Variants in PCDHA1 observed in about 807,000 individuals in gnomAD.
PCDHA1 encodes protocadherin alpha-1.
In PCDHA1, 42 loss-of-function variants were observed where a neutral mutation model predicts 61.3. The observed-to-expected ratio is 0.69, with a 90% CI of 0.54 to 0.89. The LOEUF (loss-of-function observed/expected upper bound fraction) is 0.89. PCDHA1 is among the 40% of genes least tolerant of loss of function. The pLI is 0.00. For synonymous variants in PCDHA1, 610 were observed against 553.8 expected (o/e 1.10, Z -1.43); for missense variants, 1,256 against 1,235.3 (o/e 1.02, Z -0.25).
chr5:140,857,331 A>G lies in PCDHA1; in HGVS notation c.2394+68647A>G, dbSNP rs1554149861. 4 of 1,598,402 alleles carry G rather than the reference A, an allele frequency of 2.5e-6. No homozygotes were observed. Among genetic ancestry groups the G allele is most frequent in the African/African-American group, 1.3e-5 (1 of 74,458 alleles). On this transcript the variant is annotated intron_variant, in intron 1 of 3. Coordinates refer to ENST00000504120, the MANE Select transcript of PCDHA1 (RefSeq NM_018900.4). ...TATGAGCTGGTGGTGACCGCGCGGG[A>G]CGGGGGCTCGCCTCCGCTGTGGGCC...
intron 3 of PCDHA1, among the ~76,000 whole-genome samples, chr5:140,992,293 G>A (rs1043574685): frequency 1.3e-5 from 2 of 152,136 alleles, no homozygotes; most frequent in African/African-American, 2.4e-5. Flanking sequence ...GCAAAGGATG[G>A]GAGTATTGTT....
At chr5:140,876,004 T>A in intron 1 of PCDHA1, 1 of 1,613,866 alleles carries the variant, frequency 6.2e-7, no homozygotes, top group African/African-American at 1.3e-5. Context: ...AAATGAGAAT[T>A]TTGAGCTTAA....
chr5:140,830,328 G>A, intron 1 of PCDHA1: 2 of 1,614,058 alleles, frequency 1.2e-6, no homozygotes, highest in Non-Finnish European at 1.7e-6. Flanking sequence ...AGCGCAGTGG[G>A]GAGCTGGTCG....
In PCDHA1 at chr5:140,995,570, A is replaced by T. The variant is rs186345842; in HGVS notation, c.2542+13007A>T. ...TCACTGTACTGAATAATATGTCAAG[A>T]TGAGCTATGAGCTTTTAACTTAGTG... is the stretch of plus-strand genomic sequence containing the variant. On this transcript the variant is annotated intron_variant, in intron 3 of 3. Transcript: ENST00000504120. Among the ~76,000 whole-genome samples, 3 of 152,328 alleles carry T rather than the reference A, an allele frequency of 2.0e-5. No homozygotes were observed. In the East Asian group the frequency reaches 5.8e-4, roughly 29 times the overall value.
In PCDHA1 at chr5:140,843,032, G is replaced by A. The variant is rs2150350640; in HGVS notation, c.2394+54348G>A. The stretch of plus-strand genomic sequence containing the variant: ...GCCGGCACTGCTGGAGCCTCGGGTG[G>A]GTGGCACTGGTGGCGCAGCGAGCAA... On this transcript the variant is annotated intron_variant, in intron 1 of 3. Coordinates refer to ENST00000504120, the MANE Select transcript of PCDHA1 (RefSeq NM_018900.4). 13 of 1,595,002 alleles carry A rather than the reference G, an allele frequency of 8.2e-6. 1 individual carries two copies. In the South Asian group the frequency reaches 1.1e-4, roughly 14 times the overall value.
At chr5:140,979,052 G>T (rs2096833352) in intron 2 of PCDHA1, 45 bp downstream of exon 2, 1 of 1,609,668 alleles carries the variant, frequency 6.2e-7, no homozygotes, top group Non-Finnish European at 8.5e-7. Context: ...CCTTAACTTG[G>T]TATGGCTCAG....
intron 1 of PCDHA1, chr5:140,811,597 C>T (rs1764916524): frequency 6.6e-6 from 1 of 152,224 alleles, no homozygotes; most frequent in Non-Finnish European, 1.5e-5. Flanking sequence ...AATGGTTGAA[C>T]TAGTTTACAC....
intron 3 of PCDHA1, among the ~76,000 whole-genome samples, chr5:140,993,036 GTCA>G (rs1415732601): frequency 6.6e-6 from 1 of 152,182 alleles, no homozygotes; most frequent in Non-Finnish European, 1.5e-5. Flanking sequence ...GGCTCCGTGT[GTCA>G]TCAAGATGTC....
intron 1 of PCDHA1, among the ~76,000 whole-genome samples, chr5:140,891,046 C>T (rs576145840): frequency 6.6e-6 from 1 of 152,270 alleles, no homozygotes; most frequent in African/African-American, 2.4e-5. Context: ...GTGACCCCCA[C>T]AGCACATAGT....
At chr5:140,957,897 C>A (rs1563294637) in intron 1 of PCDHA1, among the ~76,000 whole-genome samples, 2 of 151,908 alleles carry the variant, frequency 1.3e-5, no homozygotes, top group East Asian at 3.9e-4. Context: ...TGGCATCAAC[C>A]AAGGCATATT....
At chr5:140,975,364 C>G (rs2096664243) in intron 1 of PCDHA1, among the ~76,000 whole-genome samples, 1 of 152,204 alleles carries the variant, frequency 6.6e-6, no homozygotes, top group South Asian at 2.1e-4. Flanking sequence ...TGCTACATAG[C>G]ATAATGTAAT....
intron 1 of PCDHA1, among the ~76,000 whole-genome samples, chr5:140,910,502 G>C (rs182167004): frequency 2.6e-4 from 39 of 152,266 alleles, no homozygotes. Flanking sequence ...CAATCACAAA[G>C]CTCTTCAAGG....
chr5:140,869,180 T>C (rs782798909), intron 1 of PCDHA1: 1 of 1,613,322 alleles, frequency 6.2e-7, no homozygotes, highest in Admixed American at 1.7e-5. Flanking sequence ...TTCTGGGAGG[T>C]GGGGAGCGGC....
rs2150167979 is a variant in PCDHA1 at position 140,829,443 on chromosome 5, A to G, written c.2394+40759A>G. On this transcript the variant is annotated intron_variant, in intron 1 of 3. Coordinates refer to ENST00000504120, the MANE Select transcript of PCDHA1 (RefSeq NM_018900.4). Reference sequence around the variant, plus strand: ...GTGGAGGTGGCCGACATGAATGACAATGCTCCGGCGTTCGCGCAGCCCGAG... The same window carrying G: ...GTGGAGGTGGCCGACATGAATGACAGTGCTCCGGCGTTCGCGCAGCCCGAG... 6 of 1,613,850 alleles carry G rather than the reference A, an allele frequency of 3.7e-6. No homozygotes were observed. Among genetic ancestry groups the G allele is most frequent in the Non-Finnish European group, 5.1e-6 (6 of 1,180,044 alleles).
intron 1 of PCDHA1, among the ~76,000 whole-genome samples, chr5:140,793,748 G>T (rs1269752604): frequency 6.6e-6 from 1 of 152,000 alleles, no homozygotes; most frequent in African/African-American, 2.4e-5. Flanking sequence ...AACAAAAGAA[G>T]ATATTCTCAA....
In PCDHA1 at chr5:140,834,181, A is replaced by G. The variant is rs999943997; in HGVS notation, c.2394+45497A>G. 5 of 566,952 alleles carry G rather than the reference A, an allele frequency of 8.8e-6. No homozygotes were observed. In the South Asian group the frequency reaches 1.3e-4, roughly 15 times the overall value. The allele number at this position is 566,952 out of a possible 1,614,324, so 35.1% of individuals were successfully genotyped here. A position where few individuals can be genotyped will look rare whatever the true frequency, so the allele number is the denominator to read the frequency against. On this transcript the variant is annotated intron_variant, in intron 1 of 3. Transcript: ENST00000504120. The stretch of plus-strand genomic sequence containing the variant: ...TAATTCTTACTTACATGATGGCCAC[A>G]TGATGTCGCTCTTTACCGCAAATTC...
rs375001935 is a variant in PCDHA1, at chr5:140,797,049, T to G, written c.2394+8365T>G. The G allele has an allele frequency of 1.5e-4, 235 of 1,613,612 alleles. No individual in the cohort carries two copies. The highest frequency in any genetic ancestry group is 1.9e-4 in the Non-Finnish European group (228 of 1,179,978). Reference sequence around the variant, plus strand: ...CGGGCTCAGAGGCTACGCTGGTGGATGTCAACGTGTACCTGATCATCGCCA... The same window carrying G: ...CGGGCTCAGAGGCTACGCTGGTGGAGGTCAACGTGTACCTGATCATCGCCA... On this transcript the variant is annotated intron_variant, in intron 1 of 3. Transcript: ENST00000504120.
intron 1 of PCDHA1, chr5:140,849,848 C>G (rs1554143388): frequency 1.9e-6 from 3 of 1,598,430 alleles, no homozygotes; most frequent in African/African-American, 1.3e-5. Flanking sequence ...TGAACGACAA[C>G]GCACCAGCGT....
intron 1 of PCDHA1, chr5:140,797,041 C>G (rs1762175672): frequency 6.2e-7 from 1 of 1,613,740 alleles, no homozygotes; most frequent in African/African-American, 1.3e-5. Context: ...AGAGGCTACG[C>G]TGGTGGATGT....
Sources: gnomAD v4.1 joint callset for allele counts (sites outside exome capture counted in the v4.1 genomes callset) on GRCh38, gnomAD v4.1.1 for gene constraint, MANE v1.5 for transcripts, NCBI Gene and HGNC (gene_info 2026-07-23, HGNC 2026-07-21) for gene names.